The following PLCB1 variants were observed in gnomAD, a reference collection of about 807,000 sequenced individuals.
PLCB1 encodes 1-phosphatidylinositol 4,5-bisphosphate phosphodiesterase beta-1.
A neutral mutation model predicts 161.8 loss-of-function variants in PLCB1; 46 were observed. That is an observed-to-expected ratio of 0.28 (90% confidence interval 0.22 to 0.36). PLCB1 has a LOEUF of 0.36. PLCB1 is among the 10% of genes least tolerant of loss of function. The pLI is 1.00. For synonymous variants in PLCB1, 517 were observed against 503.7 expected (o/e 1.03, Z -0.35); for missense variants, 1,016 against 1,472.5 (o/e 0.69, Z 5.07).
At chr20:8,377,945 C>T (rs1473978492) in intron 3 of PLCB1, among the ~76,000 whole-genome samples, 1 of 152,040 alleles carries the variant, frequency 6.6e-6, no homozygotes, top group Admixed American at 6.6e-5. Context: ...GGTGAGGTCT[C>T]TTAAGGAATG....
chr20:8,394,641 T>A (rs1307601820), intron 3 of PLCB1, among the ~76,000 whole-genome samples: 1 of 152,206 alleles, frequency 6.6e-6, no homozygotes, highest in Non-Finnish European at 1.5e-5. Context: ...GGCCATAACA[T>A]ATATTTCATA....
intron 15 of PLCB1, 78 bp downstream of exon 15, chr20:8,722,499 T>C (rs1266928762): frequency 1.0e-5 from 10 of 961,898 alleles, no homozygotes; most frequent in Non-Finnish European, 1.5e-5. Flanking sequence ...GGTCACTTTC[T>C]GCCATCTAGT....
chr20:8,882,424 A>G lies in PLCB1; in HGVS notation c.*575A>G, dbSNP rs574604381. The G allele has an allele frequency of 5.8e-5, 9 of 156,028 alleles. 1 individual carries two copies. In the South Asian group the frequency reaches 1.6e-3, roughly 27 times the overall value. 9.7% of individuals were successfully genotyped at this position (156,028 alleles called of 1,614,324 possible). Reference sequence around the variant, plus strand: ...AGAGTCATCAATGTATTTGTTGCTGACATGGTTTTATTAGATACTGTAGTG... The same window carrying G: ...AGAGTCATCAATGTATTTGTTGCTGGCATGGTTTTATTAGATACTGTAGTG... On this transcript the variant is annotated 3_prime_UTR_variant, in exon 32 of 32. Transcript: ENST00000338037.
chr20:8,162,345 A>G (rs2051634921), intron 2 of PLCB1, among the ~76,000 whole-genome samples: 1 of 152,162 alleles, frequency 6.6e-6, no homozygotes, highest in Non-Finnish European at 1.5e-5. Context: ...TTATATAACT[A>G]TTTTATTTTA....
chr20:8,755,686 C>T (rs1004064207), intron 23 of PLCB1, among the ~76,000 whole-genome samples: 2 of 152,122 alleles, frequency 1.3e-5, no homozygotes, highest in Middle Eastern at 3.2e-3. Context: ...ATTCCACAAG[C>T]TTAAAGGTTT....
intron 10 of PLCB1, among the ~76,000 whole-genome samples, chr20:8,690,144 G>T (rs1990442095): frequency 1.7e-5 from 1 of 60,314 alleles, no homozygotes; most frequent in Non-Finnish European, 4.8e-5. Flanking sequence ...TTTTGTTTTT[G>T]CTGTTGTTTT....
At chr20:8,538,991 C>G (rs1985166969) in intron 3 of PLCB1, among the ~76,000 whole-genome samples, 1 of 151,900 alleles carries the variant, frequency 6.6e-6, no homozygotes, top group Admixed American at 6.6e-5. Flanking sequence ...CAGGGTTTCA[C>G]TGTCTCAGGC....
chr20:8,302,190 C>T (rs1010711155), intron 2 of PLCB1, among the ~76,000 whole-genome samples: 2 of 152,168 alleles, frequency 1.3e-5, no homozygotes, highest in African/African-American at 2.4e-5. Flanking sequence ...CGGTTAGAAC[C>T]TTCTCTTTGT....
At chr20:8,748,706 A>C (rs1981296626) in intron 23 of PLCB1, among the ~76,000 whole-genome samples, 1 of 152,192 alleles carries the variant, frequency 6.6e-6, no homozygotes, top group South Asian at 2.1e-4. Context: ...GATACAAAGC[A>C]GGAAATGTGT....
chr20:8,287,239 A>T (rs966503097), intron 2 of PLCB1, among the ~76,000 whole-genome samples: 6 of 152,078 alleles, frequency 3.9e-5, no homozygotes, highest in African/African-American at 1.2e-4. Context: ...GTATAAATAT[A>T]TTTAATATTT....
chr20:8,377,565 A>G (rs944933972), intron 3 of PLCB1, among the ~76,000 whole-genome samples: 1 of 152,182 alleles, frequency 6.6e-6, no homozygotes, highest in Non-Finnish European at 1.5e-5. Flanking sequence ...GATGATGATA[A>G]CTTTGCCTGA....
At chr20:8,810,116 A>G (rs1338947805) in intron 31 of PLCB1, among the ~76,000 whole-genome samples, 2 of 152,196 alleles carry the variant, frequency 1.3e-5, no homozygotes, top group Non-Finnish European at 2.9e-5. Flanking sequence ...TTTCTCTCCA[A>G]TGTTGCCCCT....
chr20:8,501,146 G>A (rs1468380141), intron 3 of PLCB1, among the ~76,000 whole-genome samples: 1 of 152,188 alleles, frequency 6.6e-6, no homozygotes, highest in African/African-American at 2.4e-5. Context: ...GAAACAGACA[G>A]AGGCTATGTT....
intron 2 of PLCB1, among the ~76,000 whole-genome samples, chr20:8,324,046 A>G (rs924373986): frequency 6.6e-6 from 1 of 152,180 alleles, no homozygotes; most frequent in Non-Finnish European, 1.5e-5. Flanking sequence ...CATATGTACT[A>G]TTGCTTTTTC....
intron 31 of PLCB1, among the ~76,000 whole-genome samples, chr20:8,839,279 C>T (rs1986405719): frequency 2.0e-5 from 3 of 152,148 alleles, no homozygotes; most frequent in Non-Finnish European, 4.4e-5. Context: ...TCTTGCCCCT[C>T]CTAAATCAAA....
intron 31 of PLCB1, among the ~76,000 whole-genome samples, chr20:8,798,190 C>T (rs1216977100): frequency 7.2e-6 from 1 of 138,602 alleles, no homozygotes; most frequent in Non-Finnish European, 1.5e-5. Context: ...GCGCAAGACT[C>T]TATATCGAAA....
intron 2 of PLCB1, among the ~76,000 whole-genome samples, chr20:8,292,039 C>G (rs988083001): frequency 1.3e-5 from 2 of 152,036 alleles, no homozygotes; most frequent in Non-Finnish European, 2.9e-5. Context: ...GGAGAAAATG[C>G]CATAGAGTCC....
chr20:8,602,875 A>G (rs1425131647), intron 3 of PLCB1, among the ~76,000 whole-genome samples: 1 of 152,204 alleles, frequency 6.6e-6, no homozygotes, highest in African/African-American at 2.4e-5. Flanking sequence ...TCCTAAATGG[A>G]TGTTTGAAGG....
At chr20:8,847,871 A>G (rs1267671254) in intron 31 of PLCB1, among the ~76,000 whole-genome samples, 1 of 152,196 alleles carries the variant, frequency 6.6e-6, no homozygotes, top group African/African-American at 2.4e-5. Flanking sequence ...TGCTATAACA[A>G]AATGCCTGAG....
Sources: gnomAD v4.1 joint callset for allele counts (sites outside exome capture counted in the v4.1 genomes callset) on GRCh38, gnomAD v4.1.1 for gene constraint, MANE v1.5 for transcripts, NCBI Gene and HGNC (gene_info 2026-07-23, HGNC 2026-07-21) for gene names.